Variants in GABRB2 observed in about 807,000 individuals in gnomAD.
GABRB2 encodes the protein gamma-aminobutyric acid type A receptor subunit beta2.
In GABRB2, 16 loss-of-function variants were observed where a neutral mutation model predicts 54.7. That is an observed-to-expected ratio of 0.29 (90% CI 0.20 to 0.44). GABRB2 has a LOEUF of 0.44. Among genes scored for constraint, GABRB2 ranks in the 20% least tolerant of loss-of-function variants. The probability of loss-of-function intolerance (pLI) is 1.00; values close to 1 mark genes in which losing one functional copy is unlikely to be tolerated. For missense variants in GABRB2, 355 were observed against 644.0 expected (o/e 0.55, Z 4.86); for synonymous variants, 244 against 233.8 (o/e 1.04, Z -0.40).
At position 161,345,304 on chromosome 5, in the gene GABRB2, T is replaced by C. The variant is rs947606297; in HGVS notation, c.542-8535A>G. Among the ~76,000 whole-genome samples the C allele has an allele frequency of 2.0e-5, 3 of 152,176 alleles. 1 individual carries two copies. Among genetic ancestry groups the C allele is most frequent in the South Asian group, 4.1e-4 (2 of 4,826 alleles). ...AAAAGTTGATGATCTATTTCTATGC[T>C]TTAAAAACCAAAACAGAATAAAAAA... On this transcript the variant is annotated intron_variant, in intron 5 of 9. Coordinates refer to ENST00000393959, the MANE Select transcript of GABRB2 (RefSeq NM_001371727.1).
chr5:161,479,794 T>C (rs556237056), intron 3 of GABRB2, among the ~76,000 whole-genome samples: 1 of 152,078 alleles, frequency 6.6e-6, no homozygotes, highest in Middle Eastern at 3.4e-3. Flanking sequence ...TTCACCATGT[T>C]GGTCAGGCTG....
intron 4 of GABRB2, among the ~76,000 whole-genome samples, chr5:161,418,363 A>G (rs1201080232): frequency 6.6e-6 from 1 of 152,170 alleles, no homozygotes; most frequent in Non-Finnish European, 1.5e-5. Flanking sequence ...CTCAGAGGTG[A>G]GAATATACTG....
chr5:161,376,292 C>T (rs1755294041), intron 5 of GABRB2, among the ~76,000 whole-genome samples: 2 of 152,064 alleles, frequency 1.3e-5, no homozygotes, highest in South Asian at 2.1e-4. Flanking sequence ...TTAGTTTATG[C>T]GAGCAATGGA....
intron 5 of GABRB2, among the ~76,000 whole-genome samples, chr5:161,348,533 G>A (rs1754381948): frequency 6.6e-6 from 1 of 151,992 alleles, no homozygotes; most frequent in African/African-American, 2.4e-5. Flanking sequence ...TCTTGTTTTT[G>A]TTATGAAGAA....
At chr5:161,309,363 G>A (rs930280522) in intron 9 of GABRB2, among the ~76,000 whole-genome samples, 7 of 152,120 alleles carry the variant, frequency 4.6e-5, no homozygotes, top group African/African-American at 1.4e-4. Flanking sequence ...AACAACAAAT[G>A]CTGATGAAGT....
intron 3 of GABRB2, among the ~76,000 whole-genome samples, chr5:161,541,770 C>G (rs897038222): frequency 1.3e-5 from 2 of 152,218 alleles, no homozygotes; most frequent in Admixed American, 1.3e-4. Context: ...AGCACTAAAA[C>G]TTTCTCCATA....
At chr5:161,349,086 T>C (rs1754394616) in intron 5 of GABRB2, among the ~76,000 whole-genome samples, 1 of 152,086 alleles carries the variant, frequency 6.6e-6, no homozygotes. Flanking sequence ...AAGTTACCAT[T>C]TGGGACTTCT....
chr5:161,335,583 A>C (rs1005734240), intron 6 of GABRB2, among the ~76,000 whole-genome samples: 5 of 152,154 alleles, frequency 3.3e-5, no homozygotes, highest in African/African-American at 1.2e-4. Flanking sequence ...CAAATAACAG[A>C]GCACAGTCTT....
At chr5:161,303,869 A>G (rs1757606731) in intron 9 of GABRB2, among the ~76,000 whole-genome samples, 1 of 152,094 alleles carries the variant, frequency 6.6e-6, no homozygotes. Context: ...GGCCTTGTGG[A>G]ATCTTCTGCT....
intron 9 of GABRB2, among the ~76,000 whole-genome samples, chr5:161,304,623 T>C (rs560980905): frequency 1.6e-3 from 248 of 152,312 alleles, no homozygotes; most frequent in Middle Eastern, 3.4e-3. Context: ...TTCCTTTCTA[T>C]ATATCTGTTA....
Position 161,443,390 on chromosome 5 carries a change from G to A in GABRB2, c.458+16234C>T, listed in dbSNP as rs188154515. ...TTTATGATAGAACAAACAGAAGTCCGAACAGGATACTAAAAAATCAAAATC... is the reference window on the plus strand; with the variant it reads ...TTTATGATAGAACAAACAGAAGTCCAAACAGGATACTAAAAAATCAAAATC... On this transcript the variant is annotated intron_variant, in intron 4 of 9. Coordinates refer to ENST00000393959, the MANE Select transcript of GABRB2 (RefSeq NM_001371727.1). 4.6e-5 allele frequency among the ~76,000 whole-genome samples: 7 copies of A among 152,244 alleles called. No homozygotes were observed. In the East Asian group the frequency reaches 7.7e-4, roughly 17 times the overall value.
At chr5:161,356,327 T>C (rs1024562264) in intron 5 of GABRB2, among the ~76,000 whole-genome samples, 2 of 152,154 alleles carry the variant, frequency 1.3e-5, no homozygotes, top group Admixed American at 6.6e-5. Context: ...CTGCCTTCTG[T>C]CTTTGTAATT....
chr5:161,541,963 T>C (rs1760832500), intron 3 of GABRB2, among the ~76,000 whole-genome samples: 1 of 152,182 alleles, frequency 6.6e-6, no homozygotes, highest in African/African-American at 2.4e-5. Flanking sequence ...TTCTAGCTTT[T>C]GATTTAAAGT....
chr5:161,351,662 C>T (rs1045436287), intron 5 of GABRB2, among the ~76,000 whole-genome samples: 2 of 152,082 alleles, frequency 1.3e-5, no homozygotes, highest in South Asian at 2.1e-4. Flanking sequence ...GGAGCTATTA[C>T]CCAGAAAGCA....
At chr5:161,463,304 A>G (rs1364392315) in intron 3 of GABRB2, among the ~76,000 whole-genome samples, 1 of 131,422 alleles carries the variant, frequency 7.6e-6, no homozygotes. Context: ...AGTAGCATGC[A>G]TGTACACACA....
chr5:161,457,556 C>G (rs1400443744), intron 4 of GABRB2, among the ~76,000 whole-genome samples: 1 of 151,720 alleles, frequency 6.6e-6, no homozygotes, highest in Non-Finnish European at 1.5e-5. Flanking sequence ...CACCATTCTC[C>G]TGCCTCAGCC....
chr5:161,545,123 T>G, intron 3 of GABRB2, 104 bp downstream of exon 3: 105 of 694,038 alleles, frequency 1.5e-4, no homozygotes, highest in Middle Eastern at 2.6e-4. Flanking sequence ...CCCCACCTCA[T>G]ACACATAGCC....
chr5:161,431,427 A>G (rs1757167491), intron 4 of GABRB2, among the ~76,000 whole-genome samples: 1 of 152,180 alleles, frequency 6.6e-6, no homozygotes, highest in Non-Finnish European at 1.5e-5. Context: ...TTAATGCTTT[A>G]AAGACATGTA....
chr5:161,495,517 G>A (rs182209809), intron 3 of GABRB2, among the ~76,000 whole-genome samples: 3 of 151,478 alleles, frequency 2.0e-5, no homozygotes, highest in Non-Finnish European at 4.4e-5. Context: ...ATTTGAAAAC[G>A]TTTGCCCCAA....
Sources: gnomAD v4.1 joint callset for allele counts (sites outside exome capture counted in the v4.1 genomes callset) on GRCh38, gnomAD v4.1.1 for gene constraint, MANE v1.5 for transcripts, NCBI Gene and HGNC (gene_info 2026-07-23, HGNC 2026-07-21) for gene names.